RPH3A: variants seen among roughly 807,000 people sequenced by gnomAD.
RPH3A encodes the protein rabphilin-3A.
In RPH3A, 48 loss-of-function variants were observed where a neutral mutation model predicts 102.2. The observed-to-expected ratio is 0.47, with a 90% CI of 0.37 to 0.60. RPH3A has a LOEUF of 0.60. Among genes scored for constraint, RPH3A ranks in the 20% least tolerant of loss-of-function variants. The pLI is 0.00. For missense variants in RPH3A, 781 were observed against 910.1 expected (o/e 0.86, Z 1.83); for synonymous variants, 310 against 324.3 (o/e 0.96, Z 0.47).
intron 1 of RPH3A, among the ~76,000 whole-genome samples, chr12:112,728,308 C>A (rs2040609261): frequency 6.6e-6 from 1 of 151,990 alleles, no homozygotes; most frequent in South Asian, 2.1e-4. Context: ...TTGGCAGATC[C>A]CAGCTTTAAT....
intron 1 of RPH3A, among the ~76,000 whole-genome samples, chr12:112,786,675 G>A (rs2041054181): frequency 6.6e-6 from 1 of 152,170 alleles, no homozygotes; most frequent in African/African-American, 2.4e-5. Flanking sequence ...TTCAGAACAG[G>A]TTGTAGTATG....
chr12:112,717,230 T>C lies in RPH3A; in HGVS notation c.-139-74913T>C, dbSNP rs959881494. On this transcript the variant is annotated intron_variant, in intron 1 of 21. Coordinates refer to the RPH3A transcript ENST00000543106. Reference sequence around the variant, plus strand: ...TTACAGTACACAGTTCTATGAGTTTTGACGAATGCATAGTGACGTAACCAC... The same window carrying C: ...TTACAGTACACAGTTCTATGAGTTTCGACGAATGCATAGTGACGTAACCAC... Among the ~76,000 whole-genome samples the C allele has an allele frequency of 3.3e-5, 5 of 152,174 alleles. No individual in the cohort carries two copies. The South Asian group carries it at 1.0e-3, about 32-fold the overall frequency.
intron 2 of RPH3A, among the ~76,000 whole-genome samples, chr12:112,795,884 G>A (rs985160668): frequency 3.3e-5 from 5 of 152,262 alleles, no homozygotes; most frequent in Admixed American, 2.0e-4. Context: ...GTTCGCAATC[G>A]GGGCGATGTT....
At chr12:112,833,783 G>A (rs1382488137) in intron 3 of RPH3A, among the ~76,000 whole-genome samples, 2 of 150,788 alleles carry the variant, frequency 1.3e-5, no homozygotes, top group Non-Finnish European at 1.5e-5. Flanking sequence ...AGGCCGGAGT[G>A]CAATAGCACA....
Position 112,844,303 on chromosome 12 carries a change from T to C in RPH3A, c.84-3393T>C, listed in dbSNP as rs1028879260. Among the ~76,000 whole-genome samples the C allele has an allele frequency of 1.8e-4, 28 of 152,194 alleles. No individual in the cohort carries two copies. The South Asian group carries it at 1.9e-3, about 10-fold the overall frequency. On this transcript the variant is annotated intron_variant, in intron 4 of 21. Coordinates refer to ENST00000389385, the MANE Select transcript of RPH3A (RefSeq NM_001143854.2). ...CTCCTTGTGGACTTGATGAAGGAAGTGGCCCACAGGATGGGATCAGAGAGG... is the reference window on the plus strand; with the variant it reads ...CTCCTTGTGGACTTGATGAAGGAAGCGGCCCACAGGATGGGATCAGAGAGG...
chr12:112,839,228 T>C (rs566581040), intron 4 of RPH3A, among the ~76,000 whole-genome samples: 2 of 152,282 alleles, frequency 1.3e-5, no homozygotes, highest in South Asian at 2.1e-4. Flanking sequence ...AAAAATATCA[T>C]GGTAAACATT....
At position 112,691,934 on chromosome 12, in the gene RPH3A, A is replaced by G. The variant is rs1416119468; in HGVS notation, c.-139-100209A>G. On this transcript the variant is annotated intron_variant, in intron 1 of 21. Coordinates refer to the RPH3A transcript ENST00000543106. Reference sequence around the variant, plus strand: ...CACTGTCCAATAGAAATAGAATGTGACAGATGATTGGATTTTTAAAAAATG... The same window carrying G: ...CACTGTCCAATAGAAATAGAATGTGGCAGATGATTGGATTTTTAAAAAATG... Among the ~76,000 whole-genome samples the G allele has an allele frequency of 2.0e-5, 3 of 152,334 alleles. No individual in the cohort carries two copies. The East Asian group carries it at 5.8e-4, about 29-fold the overall frequency.
intron 2 of RPH3A, chr12:112,813,227 A>C (rs1260108447): frequency 6.6e-6 from 1 of 152,068 alleles, no homozygotes; most frequent in African/African-American, 2.4e-5. Context: ...GAGTCATAAC[A>C]CCCGCCTGCC....
chr12:112,708,712 A>G (rs934105739), intron 1 of RPH3A, among the ~76,000 whole-genome samples: 1 of 152,118 alleles, frequency 6.6e-6, no homozygotes, highest in African/African-American at 2.4e-5. Flanking sequence ...GTGTCCATGT[A>G]TCTGATCTCC....
intron 5 of RPH3A, among the ~76,000 whole-genome samples, chr12:112,863,439 T>C (rs571553487): frequency 3.3e-5 from 5 of 152,200 alleles, no homozygotes; most frequent in Non-Finnish European, 7.3e-5. Flanking sequence ...TGCCTCAGCC[T>C]CTCAAGTAAC....
At chr12:112,768,482 C>T (rs1839595193) in intron 1 of RPH3A, among the ~76,000 whole-genome samples, 1 of 152,226 alleles carries the variant, frequency 6.6e-6, no homozygotes, top group Non-Finnish European at 1.5e-5. Flanking sequence ...CACGTCTCTG[C>T]CTCAGGGCCT....
At chr12:112,739,700 T>C (rs1050309883) in intron 1 of RPH3A, among the ~76,000 whole-genome samples, 8 of 152,238 alleles carry the variant, frequency 5.3e-5, no homozygotes, top group African/African-American at 1.9e-4. Context: ...TCTGTTCTTT[T>C]CTGATTACAG....
At chr12:112,730,282 G>C (rs1243851433) in intron 1 of RPH3A, among the ~76,000 whole-genome samples, 1 of 152,240 alleles carries the variant, frequency 6.6e-6, no homozygotes, top group Non-Finnish European at 1.5e-5. Context: ...CACTGGTTGA[G>C]GTCAACACGG....
intron 1 of RPH3A, among the ~76,000 whole-genome samples, chr12:112,749,134 G>A (rs954210975): frequency 3.3e-5 from 5 of 152,186 alleles, no homozygotes; most frequent in Non-Finnish European, 7.3e-5. Flanking sequence ...AAGAATTTCA[G>A]CTTTTTCTAG....
At chr12:112,594,110 TG>T (rs2039498119) in intron 1 of RPH3A, among the ~76,000 whole-genome samples, 1 of 152,256 alleles carries the variant, frequency 6.6e-6, no homozygotes. Context: ...GTTTCGGTAC[TG>T]CCTCTAATCA....
intron 1 of RPH3A, among the ~76,000 whole-genome samples, chr12:112,654,603 A>C (rs559452594): frequency 6.6e-6 from 1 of 152,274 alleles, no homozygotes; most frequent in East Asian, 1.9e-4. Flanking sequence ...AAATCCCTTG[A>C]GTATCTTCTT....
intron 4 of RPH3A, among the ~76,000 whole-genome samples, chr12:112,841,088 G>A (rs1017769457): frequency 6.9e-6 from 1 of 145,420 alleles, no homozygotes; most frequent in Non-Finnish European, 1.5e-5. Context: ...CACACCTCTA[G>A]TCCCAGCTAC....
At chr12:112,691,120 G>T (rs1248790085) in intron 1 of RPH3A, among the ~76,000 whole-genome samples, 2 of 152,098 alleles carry the variant, frequency 1.3e-5, no homozygotes, top group Admixed American at 6.6e-5. Flanking sequence ...CGCCTCCCGG[G>T]TTCAGCCACT....
chr12:112,685,173 G>A (rs1453933420), intron 1 of RPH3A, among the ~76,000 whole-genome samples: 2 of 152,110 alleles, frequency 1.3e-5, no homozygotes, highest in Non-Finnish European at 2.9e-5. Flanking sequence ...CTGGGCTCAG[G>A]GGATCTTCCT....
Sources: allele counts gnomAD v4.1 joint callset (sites outside exome capture counted in the v4.1 genomes callset), GRCh38; gene constraint gnomAD v4.1.1; transcripts MANE v1.5; gene names NCBI Gene and HGNC (gene_info 2026-07-23, HGNC 2026-07-21).